ABLIM1: variants seen among roughly 807,000 people sequenced by gnomAD.
The protein encoded by ABLIM1 is actin-binding LIM protein 1.
A neutral mutation model predicts 107.0 loss-of-function variants in ABLIM1; 40 were observed. The ratio of observed to expected loss-of-function variants is 0.37; its 90% CI spans 0.29 to 0.49. ABLIM1 has a LOEUF of 0.49. Ranked by LOEUF, ABLIM1 falls within the 20% of genes least tolerant of loss-of-function variation. ABLIM1 has a pLI of 0.97. For synonymous variants in ABLIM1, 357 were observed against 357.3 expected, an observed-to-expected ratio of 1.00 and a Z score of 0.01; for missense variants, 857 against 1,008.5, an observed-to-expected ratio of 0.85 and a Z score of 2.04.
chr10:114,677,999 G>T (rs571387463), intron 1 of ABLIM1, among the ~76,000 whole-genome samples: 5 of 152,260 alleles, frequency 3.3e-5, no homozygotes, highest in African/African-American at 9.6e-5. Context: ...ACTTGAATTT[G>T]CATGGTTTCC....
intron 1 of ABLIM1, among the ~76,000 whole-genome samples, chr10:114,622,952 C>G (rs2077560530): frequency 6.6e-6 from 1 of 152,152 alleles, no homozygotes; most frequent in Non-Finnish European, 1.5e-5. Context: ...AGCTGATTAA[C>G]TCTTTTCCCT....
At position 114,512,902 on chromosome 10, in the gene ABLIM1, AGG is replaced by A. The variant is rs1491014574; in HGVS notation, c.895-21026_895-21025del. 2.2e-3 allele frequency among the ~76,000 whole-genome samples: 322 copies of A among 148,390 alleles called. 1 individual carries two copies. The highest frequency in any genetic ancestry group is 8.3e-3 in the African/African-American group (318 of 38,416). ...AAGGAAGGAAGGAAGGAAGGAAGGA[AGG>A]AAGGAAAGAAAGAGAGAAAGAAAGA... On this transcript the variant is annotated intron_variant, in intron 6 of 22. Transcript: ENST00000533213.
chr10:114,571,534 T>C, intron 3 of ABLIM1, 128 bp from the exon 4 acceptor site: 1 of 896,404 alleles, frequency 1.1e-6, no homozygotes, highest in Non-Finnish European at 1.8e-6. Context: ...ATGTCTGAAA[T>C]GCAGTCATAA....
intron 1 of ABLIM1, among the ~76,000 whole-genome samples, chr10:114,641,247 T>TAAAAAAAAA (rs35168530): frequency 8.1e-5 from 3 of 37,058 alleles, no homozygotes; most frequent in Non-Finnish European, 1.1e-4. Flanking sequence ...AAGCCAATCA[T>TAAAAAAAAA]AAAAAAAAAA....
chr10:114,491,179 C>T (rs1370761000), intron 7 of ABLIM1, among the ~76,000 whole-genome samples: 1 of 151,654 alleles, frequency 6.6e-6, no homozygotes, highest in East Asian at 1.9e-4. Context: ...CTCTTTGACA[C>T]CAGAAATTTC....
intron 1 of ABLIM1, among the ~76,000 whole-genome samples, chr10:114,609,348 C>T (rs919018946): frequency 2.0e-5 from 3 of 152,214 alleles, no homozygotes; most frequent in African/African-American, 7.2e-5. Context: ...CTCTTCTCCC[C>T]ATCTGTCTAA....
intron 10 of ABLIM1, among the ~76,000 whole-genome samples, chr10:114,470,362 G>T (rs973274293): frequency 1.4e-5 from 2 of 142,924 alleles, no homozygotes; most frequent in Non-Finnish European, 3.0e-5. Context: ...GGCAGAGGTT[G>T]CAGTGAGCCA....
At chr10:114,541,083 C>T (rs867738) in intron 6 of ABLIM1, among the ~76,000 whole-genome samples, 2,388 of 152,060 alleles carry the variant, frequency 0.016, 79 homozygotes, top group African/African-American at 0.055. Flanking sequence ...ACGCAAAAGG[C>T]GATGTGAAGA....
chr10:114,481,826 T>C (rs1440344045), intron 8 of ABLIM1, among the ~76,000 whole-genome samples: 3 of 152,270 alleles, frequency 2.0e-5, no homozygotes, highest in Non-Finnish European at 4.4e-5. Context: ...TAAAACAGTA[T>C]GTATTGTAGT....
chr10:114,436,302 A>G lies in ABLIM1; in HGVS notation c.2295T>C (p.Leu765=), dbSNP rs1486578935. 21 of 1,613,990 alleles carry G rather than the reference A, an allele frequency of 1.3e-5. No homozygotes were observed. The highest frequency in any genetic ancestry group is 1.8e-5 in the Non-Finnish European group (21 of 1,180,012). Residue 765 remains leucine (L), a synonymous_variant, in exon 23 of 23, where the codon CTT becomes CTC. Transcript: ENST00000533213. ...TTTTCTTCATGTCGTTGCGTCTCCAAAGAGGTAACCTGTCAAACTCCTGTA... is the reference window on the plus strand; with the variant it reads ...TTTTCTTCATGTCGTTGCGTCTCCAGAGAGGTAACCTGTCAAACTCCTGTA... ...MSIQEFDRLP[L]WRRNDMKKKA...
chr10:114,780,812 G>A, the ABLIM1 span, among the ~76,000 whole-genome samples: 1 of 152,120 alleles, frequency 6.6e-6, no homozygotes, highest in Non-Finnish European at 1.5e-5. Flanking sequence ...AGGAGTTTGA[G>A]CCCTTACCCC....
chr10:114,776,012 T>C, the ABLIM1 span: 1 of 152,136 alleles, frequency 6.6e-6, no homozygotes, highest in Non-Finnish European at 1.5e-5. Context: ...TAACGTGGCA[T>C]AGGTGATCTT....
At chr10:114,553,846 T>C (rs2068387396) in intron 4 of ABLIM1, among the ~76,000 whole-genome samples, 1 of 152,230 alleles carries the variant, frequency 6.6e-6, no homozygotes, top group Non-Finnish European at 1.5e-5. Flanking sequence ...GGTGTGAATT[T>C]CCACTGTTCA....
intron 2 of ABLIM1, among the ~76,000 whole-genome samples, chr10:114,596,027 T>G (rs562208516): frequency 4.6e-5 from 7 of 152,340 alleles, no homozygotes; most frequent in Admixed American, 1.3e-4. Context: ...CTATATTTTC[T>G]TAGTTGGTGG....
At chr10:114,513,309 G>T (rs930912159) in intron 6 of ABLIM1, among the ~76,000 whole-genome samples, 1 of 152,156 alleles carries the variant, frequency 6.6e-6, no homozygotes, top group Admixed American at 6.5e-5. Flanking sequence ...TATCTTAGGA[G>T]AAAAATGTGT....
intron 4 of ABLIM1, among the ~76,000 whole-genome samples, chr10:114,569,855 A>G (rs1033757976): frequency 6.6e-6 from 1 of 152,242 alleles, no homozygotes; most frequent in Non-Finnish European, 1.5e-5. Flanking sequence ...GGAAGGTCAC[A>G]TAAATTCACA....
chr10:114,515,228 C>G (rs931251043), intron 6 of ABLIM1, among the ~76,000 whole-genome samples: 1 of 152,188 alleles, frequency 6.6e-6, no homozygotes, highest in Non-Finnish European at 1.5e-5. Flanking sequence ...GCGGCCATGT[C>G]AAGGCTACCC....
At chr10:114,481,663 C>T (rs546059292) in intron 8 of ABLIM1, among the ~76,000 whole-genome samples, 1 of 152,284 alleles carries the variant, frequency 6.6e-6, no homozygotes, top group Admixed American at 6.5e-5. Context: ...GCGCACACAC[C>T]ACTTCTCTGG....
intron 6 of ABLIM1, among the ~76,000 whole-genome samples, chr10:114,532,254 T>C (rs1224410658): frequency 6.6e-6 from 1 of 152,230 alleles, no homozygotes; most frequent in East Asian, 1.9e-4. Context: ...GCCATTAACA[T>C]AGTTCATGAA....
Sources: allele counts gnomAD v4.1 joint callset (sites outside exome capture counted in the v4.1 genomes callset), GRCh38; gene constraint gnomAD v4.1.1; transcripts MANE v1.5; gene names NCBI Gene and HGNC (gene_info 2026-07-23, HGNC 2026-07-21).